The following MMEL1 variants were observed in gnomAD, a reference collection of about 807,000 sequenced individuals.
MMEL1 encodes the protein membrane metallo-endopeptidase-like 1.
MMEL1 carries 98 observed loss-of-function variants against 117.1 expected under a neutral mutation model. The ratio of observed to expected loss-of-function variants is 0.84; its 90% CI spans 0.71 to 0.99. MMEL1 has a LOEUF of 0.99. Ranked by LOEUF, MMEL1 falls within the 50% of genes least tolerant of loss-of-function variation. MMEL1 has a pLI of 0.00. For missense variants in MMEL1, 1,014 were observed against 1,049.1 expected, an observed-to-expected ratio of 0.97 and a Z score of 0.46; for synonymous variants, 390 against 415.1, an observed-to-expected ratio of 0.94 and a Z score of 0.74.
intron 9 of MMEL1, among the ~76,000 whole-genome samples, chr1:2,604,554 G>A (rs1644991015): frequency 6.6e-6 from 1 of 152,176 alleles, no homozygotes; most frequent in South Asian, 2.1e-4. Flanking sequence ...ACAGGTGGGT[G>A]CTGGGGCTCT....
At chr1:2,628,393 C>T (rs567593910) in intron 2 of MMEL1, among the ~76,000 whole-genome samples, 1 of 152,364 alleles carries the variant, frequency 6.6e-6, no homozygotes, top group South Asian at 2.1e-4. Context: ...CGCAGGGCTC[C>T]AGACATGAGG....
intron 4 of MMEL1, among the ~76,000 whole-genome samples, chr1:2,610,348 C>G (rs2100948459): frequency 1.3e-5 from 2 of 152,296 alleles, no homozygotes; most frequent in South Asian, 4.1e-4. Context: ...CACTTATTAA[C>G]CACTTGATCT....
chr1:2,608,829 T>C (rs896383491), intron 6 of MMEL1, among the ~76,000 whole-genome samples: 9 of 151,906 alleles, frequency 5.9e-5, no homozygotes, highest in Admixed American at 1.3e-4. Flanking sequence ...ACAACACACA[T>C]ACATGCATAC....
intron 18 of MMEL1, 171 bp from the exon 19 acceptor site, chr1:2,594,104 G>C: frequency 1.0e-6 from 1 of 964,120 alleles, no homozygotes; most frequent in South Asian, 1.7e-5. Flanking sequence ...GAGGCTGGGC[G>C]GGCTCGTGCC....
chr1:2,612,668 C>T lies in MMEL1; in HGVS notation c.155-464G>A, dbSNP rs1053220503. 2.0e-5 allele frequency among the ~76,000 whole-genome samples: 3 copies of T among 152,022 alleles called. No homozygotes were observed. Among genetic ancestry groups the T allele is most frequent in the Non-Finnish European group, 4.4e-5 (3 of 68,010 alleles). ...AGAGAGGGTGGCTTCCCACTAATGA[C>T]CCTTGTCCCTAGCCCCTCCACCCTC... On this transcript the variant is annotated intron_variant, in intron 2 of 23. Coordinates refer to ENST00000378412, the MANE Select transcript of MMEL1 (RefSeq NM_033467.4). The surrounding 1 kb of genome is among the most constrained non-coding windows in gnomAD (Gnocchi z 5.4).
At position 2,611,462 on chromosome 1, in the gene MMEL1, G is replaced by A; in HGVS notation, c.233-122C>T. 2 of 545,750 alleles carry A rather than the reference G, an allele frequency of 3.7e-6. 1 individual carries two copies. The highest frequency in any genetic ancestry group is 6.2e-6 in the Non-Finnish European group (2 of 320,266). 33.8% of individuals were successfully genotyped at this position (545,750 alleles called of 1,614,324 possible). A position where few individuals can be genotyped will look rare whatever the true frequency, so the allele number is the denominator to read the frequency against. On this transcript the variant is annotated intron_variant, in intron 3 of 23. Coordinates refer to ENST00000378412, the MANE Select transcript of MMEL1 (RefSeq NM_033467.4). ...TGGGGATGGGCATAGACTGGGGTGG[G>A]CGGGGCAAGGTCAGGGTGGGTGGAG...
intron 11 of MMEL1, 92 bp downstream of exon 11, chr1:2,603,792 G>T: frequency 8.8e-7 from 1 of 1,132,784 alleles, no homozygotes; most frequent in Non-Finnish European, 1.3e-6. Flanking sequence ...GAGCTTAAAT[G>T]CCAGGCAACG....
chr1:2,609,549 C>T (rs1645092882), intron 5 of MMEL1, 121 bp downstream of exon 5: 3 of 1,514,396 alleles, frequency 2.0e-6, no homozygotes, highest in African/African-American at 2.7e-5. Flanking sequence ...TCCCTCTCCT[C>T]TGCGCCCACT....
rs551888822 is a variant in MMEL1, at chr1:2,596,615, G to A, written c.1347C>T (p.Asn449=). ...CCCTGACGTAGAGGGAGCCCACGGCGTTCTCCATGTTGCTGTTGACGTAGC... is the reference window on the plus strand; with the variant it reads ...CCCTGACGTAGAGGGAGCCCACGGCATTCTCCATGTTGCTGTTGACGTAGC... ...CVGYVNSNME[N]AVGSLYVREA... The change falls in exon 14 of 24, where the codon AAC becomes AAT. Residue 449 remains asparagine (N), a synonymous_variant. Coordinates refer to ENST00000378412, the MANE Select transcript of MMEL1 (RefSeq NM_033467.4). 805 of 1,613,106 alleles carry A rather than the reference G, an allele frequency of 5.0e-4. 9 individuals are homozygous for A. The South Asian group carries it at 7.8e-3, about 16-fold the overall frequency.
intron 7 of MMEL1, 33 bp from the exon 8 acceptor site, chr1:2,606,399 C>A: frequency 6.4e-7 from 1 of 1,572,148 alleles, no homozygotes; most frequent in Non-Finnish European, 8.7e-7. Flanking sequence ...TGGAGACTGG[C>A]GGGCCCTGGG....
chr1:2,604,056 C>T (rs1037745576), intron 10 of MMEL1, 83 bp from the exon 11 acceptor site: 12 of 1,577,536 alleles, frequency 7.6e-6, no homozygotes, highest in South Asian at 1.1e-5. Flanking sequence ...TGCTACCGGC[C>T]CACCCAGCAC....
At chr1:2,628,532 G>T (rs1312339569) in intron 2 of MMEL1, among the ~76,000 whole-genome samples, 1 of 152,208 alleles carries the variant, frequency 6.6e-6, no homozygotes, top group Non-Finnish European at 1.5e-5. Context: ...GGTGAGCATT[G>T]CTCCCCGATG....
chr1:2,604,763 G>A (rs1251425551), intron 9 of MMEL1, among the ~76,000 whole-genome samples: 1 of 152,142 alleles, frequency 6.6e-6, no homozygotes, highest in Admixed American at 6.5e-5. Flanking sequence ...CCTTCCTCGC[G>A]CTGGGCAGGG....
rs1644806792 is a variant in MMEL1 at position 2,594,855 on chromosome 1, C to T, written c.1623G>A (p.Leu541=). 1.2e-6 allele frequency: 2 copies of T among 1,614,048 alleles called. No homozygotes were observed. The highest frequency in any genetic ancestry group is 2.2e-5 in the East Asian group (1 of 44,884). ...FSEDLYFENS[L]QNLKVGAQRS... is the part of the protein sequence containing the mutation. ...GCTGGGCGCCCACCTTGAGGTTCTG[C>T]AGACTGTTCTCAAAGTACAGGTCCT... The change falls in exon 17 of 24, where the codon CTG becomes CTA. Residue 541 remains leucine, a synonymous_variant. Coordinates refer to ENST00000378412, the MANE Select transcript of MMEL1 (RefSeq NM_033467.4).
intron 2 of MMEL1, among the ~76,000 whole-genome samples, chr1:2,621,200 A>T (rs1317402795): frequency 6.6e-6 from 1 of 152,094 alleles, no homozygotes; most frequent in Non-Finnish European, 1.5e-5. Context: ...TGGGAGGATC[A>T]CTTGAGCCCA....
chr1:2,630,890 A>G (rs915695462), intron 1 of MMEL1, among the ~76,000 whole-genome samples: 2 of 132,932 alleles, frequency 1.5e-5, no homozygotes, highest in African/African-American at 5.9e-5. Context: ...GTGACTGTGC[A>G]TTGTGTGCGT....
intron 2 of MMEL1, among the ~76,000 whole-genome samples, chr1:2,625,930 G>A (rs1638249594): frequency 9.3e-6 from 1 of 107,442 alleles, no homozygotes; most frequent in African/African-American, 2.7e-5. Context: ...TATGACCAGT[G>A]GACAGAGGAA....
Position 2,604,135 on chromosome 1 carries a change from C to CCCCCCCCCAAACATG in MMEL1, c.951+11_951+12insCATGTTTGGGGGGGG. On this transcript the variant is annotated intron_variant, in intron 10 of 23. Transcript: ENST00000378412. ...CTCGCTGCCCGCTCCCCACCCGCCC[C>CCCCCCCCCAAACATG]GGCCCCCTTACCTTGGCCAGCTGTG... is the stretch of plus-strand genomic sequence containing the variant. 1 of 1,520,166 alleles carries CCCCCCCCCAAACATG rather than the reference C, an allele frequency of 6.6e-7. No homozygotes were observed. Among genetic ancestry groups the CCCCCCCCCAAACATG allele is most frequent in the Non-Finnish European group, 9.1e-7 (1 of 1,100,358 alleles). 94.2% of individuals were successfully genotyped at this position (1,520,166 alleles called of 1,614,324 possible).
intron 2 of MMEL1, among the ~76,000 whole-genome samples, chr1:2,615,311 T>G (rs1334982305): frequency 6.6e-6 from 1 of 152,156 alleles, no homozygotes; most frequent in Non-Finnish European, 1.5e-5. Context: ...ATAAGTCCAG[T>G]CATTGAAAGT....
Sources: allele counts gnomAD v4.1 joint callset (sites outside exome capture counted in the v4.1 genomes callset), GRCh38; gene constraint gnomAD v4.1.1; non-coding constraint Gnocchi (gnomAD v3.1); transcripts MANE v1.5; gene names NCBI Gene and HGNC (gene_info 2026-07-23, HGNC 2026-07-21).